PIGS: variants seen among roughly 807,000 people sequenced by gnomAD.
PIGS encodes phosphatidylinositol glycan anchor biosynthesis class S, also known as GPI-anchor transamidase component PIGS.
A neutral mutation model predicts 58.2 loss-of-function variants in PIGS; 37 were observed. The observed-to-expected ratio is 0.64, with a 90% CI of 0.49 to 0.84. The LOEUF (loss-of-function observed/expected upper bound fraction) is 0.84, where lower values mean the gene tolerates loss of function less well. Ranked by LOEUF, PIGS falls within the 40% of genes least tolerant of loss-of-function variation. The pLI is 0.00. For synonymous variants in PIGS, 269 were observed against 289.2 expected (o/e 0.93, Z 0.71); for missense variants, 629 against 710.8 (o/e 0.88, Z 1.31).
At chr17:28,556,697 C>T (rs2070331002) in intron 9 of PIGS, 130 bp downstream of exon 9, 1 of 1,253,396 alleles carries the variant, frequency 8.0e-7, no homozygotes. Context: ...CCCTCACCTT[C>T]CTGGTGCCTG....
chr17:28,558,661 G>T, intron 7 of PIGS, 71 bp from the exon 8 acceptor site: 1 of 1,283,618 alleles, frequency 7.8e-7, no homozygotes, highest in Non-Finnish European at 1.1e-6. Context: ...AAGATTTGAG[G>T]TGCCTTAAAA....
intron 3 of PIGS, 99 bp downstream of exon 3, chr17:28,570,753 T>G: frequency 8.4e-7 from 1 of 1,184,210 alleles, no homozygotes; most frequent in Admixed American, 1.9e-5. Flanking sequence ...CAACAGTAAG[T>G]TTTTAACTGC....
intron 9 of PIGS, 42 bp downstream of exon 9, chr17:28,556,785 C>A: frequency 6.3e-7 from 1 of 1,585,982 alleles, no homozygotes; most frequent in Non-Finnish European, 8.6e-7. Flanking sequence ...CCTGCCTGTC[C>A]CAGAAGCATG....
chr17:28,558,417 C>G (rs1036582463), intron 8 of PIGS, 59 bp downstream of exon 8: 2 of 1,374,458 alleles, frequency 1.5e-6, no homozygotes, highest in Non-Finnish European at 2.0e-6. Flanking sequence ...CCCAGCTGAG[C>G]CGTCAGGGTC....
intron 8 of PIGS, chr17:28,557,304 C>CTTA (rs2070337215): frequency 3.7e-6 from 1 of 272,146 alleles, no homozygotes; most frequent in Admixed American, 5.7e-5. Flanking sequence ...GAAATCTGAC[C>CTTA]TTATGTCAGT....
At chr17:28,571,227 G>A in intron 1 of PIGS, 39 bp from the exon 2 acceptor site, 1 of 1,601,662 alleles carries the variant, frequency 6.2e-7, no homozygotes, top group South Asian at 1.1e-5. Context: ...CTGGAAACGG[G>A]CTAGGGTACC....
chr17:28,556,152 A>G lies in PIGS; in HGVS notation c.1181+14T>C. 6.2e-7 allele frequency: 1 copy of G among 1,601,674 alleles called. No homozygotes were observed. The stretch of plus-strand genomic sequence containing the variant: ...AGGAGACTATGTCCCCAAGTGGATC[A>G]TCCAGGACCTCACCGCAACTGTGCC... On this transcript the variant is annotated intron_variant, in intron 10 of 11. Transcript: ENST00000308360.
chr17:28,561,656 G>A, intron 5 of PIGS, 27 bp from the exon 6 acceptor site: 1 of 1,590,312 alleles, frequency 6.3e-7, no homozygotes, highest in Non-Finnish European at 8.6e-7. Flanking sequence ...GAGACAGAAT[G>A]CCCATGGCTC....
chr17:28,570,991 C>G, intron 2 of PIGS, 28 bp from the exon 3 acceptor site: 2 of 1,614,232 alleles, frequency 1.2e-6, no homozygotes, highest in Non-Finnish European at 1.7e-6. Context: ...AGGGCCGTCA[C>G]TGAGTCTCCA....
intron 5 of PIGS, 105 bp from the exon 6 acceptor site, chr17:28,561,734 A>T: frequency 5.4e-6 from 6 of 1,104,850 alleles, no homozygotes; most frequent in Non-Finnish European, 6.4e-6. Context: ...AATGACCAAC[A>T]GGTTTGCACC....
intron 7 of PIGS, among the ~76,000 whole-genome samples, chr17:28,559,029 G>C (rs143563861): frequency 6.8e-4 from 103 of 152,232 alleles, no homozygotes; most frequent in African/African-American, 2.1e-3. Flanking sequence ...TGCCAGGCTG[G>C]AGTGCAGTGG....
intron 3 of PIGS, among the ~76,000 whole-genome samples, chr17:28,564,303 C>A (rs1455731784): frequency 6.6e-6 from 1 of 152,200 alleles, no homozygotes; most frequent in East Asian, 1.9e-4. Flanking sequence ...CACGGTGGCT[C>A]ATGCTTGTAA....
In PIGS at chr17:28,554,984, G is replaced by A; in HGVS notation, c.1259C>T (p.Thr420Ile). 1 of 1,611,226 alleles carries A rather than the reference G, an allele frequency of 6.2e-7. No individual in the cohort carries two copies. The change falls in exon 11 of 12, where the codon ACC becomes ATC. Residue 420 changes from threonine (T) to isoleucine (I), a missense_variant. Transcript: ENST00000308360. ...LSGPTSEGLM[T>I]WELDRLLWAR... ...CCAGAGCAGCCGGTCTAGCTCCCAG[G>A]TCATTAGCCCTTCACTCGTAGGCCC...
intron 6 of PIGS, among the ~76,000 whole-genome samples, chr17:28,561,140 C>T (rs1290430452): frequency 6.6e-6 from 1 of 151,976 alleles, no homozygotes; most frequent in Admixed American, 6.6e-5. Flanking sequence ...CACCTGTGGT[C>T]CCAGCTACTT....
In PIGS at chr17:28,554,339, G is replaced by A; in HGVS notation, c.1549C>T (p.Gln517Ter). ...AGTGGGATGTAGATGGCAAACTTCT[G>A]GTCATCAGGGAAATAAAGGAGGTGG... ...LLHLLYFPDD[Q>*]KFAIYIPLFL... Residue 517 changes from glutamine to a stop codon, truncating the protein, a stop_gained, in exon 12 of 12, where the codon CAG becomes TAG. Coordinates refer to ENST00000308360, the MANE Select transcript of PIGS (RefSeq NM_033198.4). LOFTEE classifies it high-confidence loss of function. 1 of 1,614,162 alleles carries A rather than the reference G, an allele frequency of 6.2e-7. No homozygotes were observed. The highest frequency in any genetic ancestry group is 1.3e-5 in the African/African-American group (1 of 75,024).
At chr17:28,554,619 G>C (rs756432780) in intron 11 of PIGS, 124 bp from the exon 12 acceptor site, 28 of 1,320,336 alleles carry the variant, frequency 2.1e-5, no homozygotes, top group Non-Finnish European at 2.5e-5. Flanking sequence ...AGGATCTATG[G>C]AAGTCTTTCT....
chr17:28,556,023 G>A, intron 10 of PIGS, 143 bp downstream of exon 10: 1 of 681,600 alleles, frequency 1.5e-6, no homozygotes, highest in South Asian at 1.8e-5. Flanking sequence ...AAGGATGATG[G>A]GATCCTTAGA....
chr17:28,554,276 C>T lies in PIGS; in HGVS notation c.1612G>A (p.Val538Ile). The change falls in exon 12 of 12, where the codon GTC becomes ATC. Residue 538 changes from valine to isoleucine, a missense_variant. Transcript: ENST00000308360. ...PMAVPILLSL[V>I]KIFLETRKSW... ...TTGCGGGTCTCCAGGAAGATCTTGA[C>T]CAGGGACAGGAGGATGGGCACAGCC... 6.2e-7 allele frequency: 1 copy of T among 1,614,100 alleles called. No individual in the cohort carries two copies. The highest frequency in any genetic ancestry group is 8.5e-7 in the Non-Finnish European group (1 of 1,180,022).
Position 28,563,808 on chromosome 17 carries a change from C to T in PIGS, c.376+10G>A. ...TCACATTAAAATGGTGTGCTCATCC[C>T]TTCCCATACCTTGCACACTGCCCGA... On this transcript the variant is annotated intron_variant, in intron 4 of 11. Coordinates refer to ENST00000308360, the MANE Select transcript of PIGS (RefSeq NM_033198.4). The T allele has an allele frequency of 6.2e-6, 10 of 1,607,228 alleles. No homozygotes were observed. The highest frequency in any genetic ancestry group is 8.5e-6 in the Non-Finnish European group (10 of 1,173,750).
Sources: gnomAD v4.1 joint callset for allele counts (sites outside exome capture counted in the v4.1 genomes callset) on GRCh38, gnomAD v4.1.1 for gene constraint, MANE v1.5 for transcripts, NCBI Gene and HGNC (gene_info 2026-07-23, HGNC 2026-07-21) for gene names.